THSD7B: variants seen among roughly 807,000 people sequenced by gnomAD.
THSD7B encodes the protein thrombospondin type 1 domain containing 7B, also known as thrombospondin type-1 domain-containing protein 7B.
Under a neutral mutation model 213.6 loss-of-function variants are expected in THSD7B, and 138 were observed. The ratio of observed to expected loss-of-function variants is 0.65; its 90% CI spans 0.56 to 0.74. The LOEUF (loss-of-function observed/expected upper bound fraction) is 0.74. Among genes scored for constraint, THSD7B ranks in the 30% least tolerant of loss-of-function variants. The probability of loss-of-function intolerance (pLI) is 0.00; values close to 1 mark genes in which losing one functional copy is unlikely to be tolerated. For synonymous variants in THSD7B, 742 were observed against 687.0 expected (o/e 1.08, Z -1.25); for missense variants, 1,931 against 1,991.5 (o/e 0.97, Z 0.58).
intron 7 of THSD7B, among the ~76,000 whole-genome samples, chr2:137,188,917 A>C (rs74772945): frequency 0.024 from 3,583 of 152,296 alleles, 74 homozygotes; most frequent in African/African-American, 0.054. Context: ...TTTTACATAG[A>C]GTGGTCATTT....
chr2:137,098,343 T>C (rs565551182), intron 4 of THSD7B, among the ~76,000 whole-genome samples: 24 of 152,288 alleles, frequency 1.6e-4, no homozygotes, highest in Admixed American at 3.3e-4. Context: ...CCAAACACTA[T>C]GTTAAGCATT....
intron 15 of THSD7B, among the ~76,000 whole-genome samples, chr2:137,552,213 A>G (rs1000446409): frequency 1.3e-5 from 2 of 151,876 alleles, no homozygotes; most frequent in East Asian, 3.9e-4. Context: ...TTTTTTTTCT[A>G]TATAAAATAA....
At chr2:137,238,595 G>A (rs62171113) in intron 9 of THSD7B, among the ~76,000 whole-genome samples, 4 of 126,416 alleles carry the variant, frequency 3.2e-5, no homozygotes, top group East Asian at 5.1e-4. Flanking sequence ...CGCCCAGGCC[G>A]GACTGCGGAC....
intron 12 of THSD7B, among the ~76,000 whole-genome samples, chr2:137,328,028 T>C (rs1015754843): frequency 5.9e-5 from 9 of 152,182 alleles, no homozygotes; most frequent in Non-Finnish European, 2.9e-5. Context: ...CTCATTGATA[T>C]GGGGATTTTA....
At chr2:137,519,241 A>G (rs1680133171) in intron 15 of THSD7B, among the ~76,000 whole-genome samples, 1 of 151,996 alleles carries the variant, frequency 6.6e-6, no homozygotes, top group Non-Finnish European at 1.5e-5. Context: ...AGAGAGTGAG[A>G]CTCCATCTCA....
intron 15 of THSD7B, among the ~76,000 whole-genome samples, chr2:137,537,751 AT>A (rs1260254068): frequency 6.6e-6 from 1 of 151,752 alleles, no homozygotes; most frequent in Non-Finnish European, 1.5e-5. Context: ...CATGTTTATA[AT>A]TTACATTGCT....
intron 20 of THSD7B, 24 bp from the exon 21 acceptor site, chr2:137,642,464 C>G: frequency 1.9e-6 from 3 of 1,611,932 alleles, no homozygotes; most frequent in Non-Finnish European, 2.5e-6. Context: ...AACTGAAAAG[C>G]TGACACCTCC....
Position 137,288,802 on chromosome 2 carries a change from TA to T in THSD7B, c.2500+12777del, listed in dbSNP as rs1484794555. On this transcript the variant is annotated intron_variant, in intron 12 of 27. Coordinates refer to ENST00000409968, the MANE Select transcript of THSD7B (RefSeq NM_001316349.2). The stretch of plus-strand genomic sequence containing the variant: ...TATTTCTAGAAACATAATATATATA[TA>T]TATATATATTAGAATCATTTGTTTA... 2.8e-4 allele frequency among the ~76,000 whole-genome samples: 43 copies of T among 151,460 alleles called. 1 individual carries two copies. The highest frequency in any genetic ancestry group is 1.1e-3 in the Admixed American group (17 of 15,188).
chr2:137,250,287 G>A (rs901406133), intron 10 of THSD7B, among the ~76,000 whole-genome samples: 1 of 151,864 alleles, frequency 6.6e-6, no homozygotes, highest in Admixed American at 6.6e-5. Flanking sequence ...ATATAAATAT[G>A]GGGTATAATG....
chr2:136,782,550 C>T (rs893529278), intron 1 of THSD7B, among the ~76,000 whole-genome samples: 2 of 151,776 alleles, frequency 1.3e-5, no homozygotes, highest in Non-Finnish European at 2.9e-5. Flanking sequence ...GAAATTGCTG[C>T]GTAGCAAAGA....
At chr2:136,884,041 A>G (rs1683671469) in intron 2 of THSD7B, among the ~76,000 whole-genome samples, 2 of 152,262 alleles carry the variant, frequency 1.3e-5, no homozygotes, top group African/African-American at 4.8e-5. Context: ...GCTCCAATGT[A>G]TCCCTTTCCA....
chr2:137,581,232 T>TAAG (rs1558847486), intron 17 of THSD7B, among the ~76,000 whole-genome samples: 1 of 152,230 alleles, frequency 6.6e-6, no homozygotes, highest in Non-Finnish European at 1.5e-5. Flanking sequence ...TTGTCATTTA[T>TAAG]AAGTATGATA....
chr2:137,356,063 T>C (rs796918155), intron 12 of THSD7B, among the ~76,000 whole-genome samples: 74 of 152,292 alleles, frequency 4.9e-4, no homozygotes, highest in African/African-American at 1.7e-3. Context: ...GCTGCTCTGC[T>C]GTGGCAGTCC....
intron 7 of THSD7B, among the ~76,000 whole-genome samples, chr2:137,203,384 G>A (rs1194298382): frequency 2.0e-5 from 3 of 152,086 alleles, no homozygotes; most frequent in Middle Eastern, 3.4e-3. Context: ...GTGTTAGAGA[G>A]TAAGAACAAC....
intron 14 of THSD7B, among the ~76,000 whole-genome samples, chr2:137,434,800 T>C (rs551697285): frequency 6.6e-6 from 1 of 152,326 alleles, no homozygotes; most frequent in East Asian, 1.9e-4. Context: ...CTGATTCAAG[T>C]CTTGTTCTCA....
chr2:137,450,084 G>A (rs1687617662), intron 14 of THSD7B, among the ~76,000 whole-genome samples: 1 of 152,050 alleles, frequency 6.6e-6, no homozygotes, highest in African/African-American at 2.4e-5. Context: ...CAGTAAATCG[G>A]GCATCAAATT....
At chr2:137,063,416 G>A (rs1331101628) in intron 3 of THSD7B, among the ~76,000 whole-genome samples, 1 of 151,786 alleles carries the variant, frequency 6.6e-6, no homozygotes, top group Admixed American at 6.6e-5. Flanking sequence ...CATAGTAGGT[G>A]TATATATTTA....
intron 12 of THSD7B, among the ~76,000 whole-genome samples, chr2:137,341,927 TG>T (rs1433919486): frequency 2.0e-5 from 3 of 151,660 alleles, no homozygotes; most frequent in Non-Finnish European, 4.4e-5. Flanking sequence ...GTTTTTTGTT[TG>T]TTTTTTTGTT....
In THSD7B at chr2:137,539,884, G is replaced by T. The variant is rs185004705; in HGVS notation, c.3139-23337G>T. Among the ~76,000 whole-genome samples the T allele has an allele frequency of 2.9e-3, 439 of 151,562 alleles. 1 individual carries two copies. Among genetic ancestry groups the T allele is most frequent in the African/African-American group, 0.01 (419 of 41,390 alleles). ...GAGCACTGTCTTCCCAATTCATGAT[G>T]TATTTCTTGCTGAATAATCAATACT... On this transcript the variant is annotated intron_variant, in intron 15 of 27. Coordinates refer to ENST00000409968, the MANE Select transcript of THSD7B (RefSeq NM_001316349.2).
Sources: allele counts gnomAD v4.1 joint callset (sites outside exome capture counted in the v4.1 genomes callset), GRCh38; gene constraint gnomAD v4.1.1; transcripts MANE v1.5; gene names NCBI Gene and HGNC (gene_info 2026-07-23, HGNC 2026-07-21).